The following FHIT variants were observed in gnomAD, a reference collection of about 807,000 sequenced individuals.
FHIT encodes fragile histidine triad diadenosine triphosphatase.
A neutral mutation model predicts 17.9 loss-of-function variants in FHIT; 19 were observed. The ratio of observed to expected loss-of-function variants is 1.06; its 90% confidence interval spans 0.74 to 1.56. FHIT has a LOEUF of 1.56. Among genes scored for constraint, FHIT ranks in the 40% most tolerant of loss-of-function variants. FHIT has a pLI of 0.00. For synonymous variants in FHIT, 81 were observed against 69.7 expected, an observed-to-expected ratio of 1.16 and a Z score of -0.81; for missense variants, 248 against 189.2, an observed-to-expected ratio of 1.31 and a Z score of -1.82.
At chr3:60,138,337 G>T (rs1380784823) in intron 5 of FHIT, among the ~76,000 whole-genome samples, 1 of 152,190 alleles carries the variant, frequency 6.6e-6, no homozygotes, top group Non-Finnish European at 1.5e-5. Context: ...CTGTGACTGA[G>T]AAATGATGGG....
At chr3:60,038,523 CTG>C (rs1701313309) in intron 5 of FHIT, among the ~76,000 whole-genome samples, 2 of 152,154 alleles carry the variant, frequency 1.3e-5, no homozygotes, top group South Asian at 4.1e-4. Context: ...AACTTTAATA[CTG>C]TCTCAATATG....
chr3:61,012,721 C>T (rs1035713329), intron 3 of FHIT, among the ~76,000 whole-genome samples: 1 of 151,130 alleles, frequency 6.6e-6, no homozygotes, highest in East Asian at 1.9e-4. Context: ...ATAAGAAATA[C>T]ATATTTTTTG....
chr3:59,889,522 A>T (rs1477859170), intron 8 of FHIT, among the ~76,000 whole-genome samples: 1 of 152,232 alleles, frequency 6.6e-6, no homozygotes, highest in African/African-American at 2.4e-5. Context: ...CTCACTAGGC[A>T]ACCATGGCCA....
intron 7 of FHIT, among the ~76,000 whole-genome samples, chr3:59,927,212 T>G (rs58538301): frequency 0.086 from 13,120 of 152,168 alleles, 737 homozygotes; most frequent in Admixed American, 0.12. Context: ...CGGCCACATA[T>G]TGTACCATGC....
chr3:60,364,651 C>G (rs1700037521), intron 5 of FHIT, among the ~76,000 whole-genome samples: 1 of 152,082 alleles, frequency 6.6e-6, no homozygotes, highest in Non-Finnish European at 1.5e-5. Flanking sequence ...GCCAATTTGA[C>G]TGAGCTAAGA....
At chr3:60,423,743 G>A (rs1260558793) in intron 5 of FHIT, among the ~76,000 whole-genome samples, 1 of 152,144 alleles carries the variant, frequency 6.6e-6, no homozygotes, top group East Asian at 1.9e-4. Flanking sequence ...AAGTAATGCA[G>A]CTGACCATTA....
intron 3 of FHIT, among the ~76,000 whole-genome samples, chr3:60,873,111 G>A (rs1391761493): frequency 6.6e-6 from 1 of 150,872 alleles, no homozygotes; most frequent in African/African-American, 2.5e-5. Context: ...TTTGGAGGAG[G>A]GGAACAAGGC....
chr3:60,663,418 C>T (rs1266096454), intron 4 of FHIT, among the ~76,000 whole-genome samples: 2 of 151,266 alleles, frequency 1.3e-5, no homozygotes, highest in African/African-American at 4.9e-5. Context: ...AAACTCTGTA[C>T]CTGTTTTTAT....
chr3:60,225,979 T>C (rs1360794449), intron 5 of FHIT, among the ~76,000 whole-genome samples: 3 of 152,188 alleles, frequency 2.0e-5, no homozygotes, highest in Non-Finnish European at 4.4e-5. Context: ...CCAGTGAGGC[T>C]GGGCGCTCTG....
At chr3:60,863,227 A>T (rs1475924769) in intron 3 of FHIT, among the ~76,000 whole-genome samples, 1 of 152,192 alleles carries the variant, frequency 6.6e-6, no homozygotes, top group Non-Finnish European at 1.5e-5. Context: ...TGCCTAACAG[A>T]CATAAAGAAA....
At chr3:60,050,014 T>C (rs1172237370) in intron 5 of FHIT, among the ~76,000 whole-genome samples, 1 of 152,188 alleles carries the variant, frequency 6.6e-6, no homozygotes. Flanking sequence ...GTTTCTTATT[T>C]AAATATTCAT....
intron 4 of FHIT, among the ~76,000 whole-genome samples, chr3:60,666,425 C>T (rs2040382988): frequency 6.6e-6 from 1 of 152,136 alleles, no homozygotes; most frequent in East Asian, 1.9e-4. Context: ...ATTTCCTTCT[C>T]ATCTCCATTT....
chr3:61,034,467 G>T (rs978174065), intron 3 of FHIT, among the ~76,000 whole-genome samples: 2 of 152,040 alleles, frequency 1.3e-5, no homozygotes, highest in Non-Finnish European at 2.9e-5. Context: ...CAGGTAATGG[G>T]TAGAGGACTT....
At chr3:60,011,606 T>C (rs529906112) in intron 6 of FHIT, among the ~76,000 whole-genome samples, 5 of 152,342 alleles carry the variant, frequency 3.3e-5, no homozygotes, top group African/African-American at 1.2e-4. Flanking sequence ...TGTATAAAAA[T>C]GATATAAATT....
chr3:60,790,289 A>C (rs781855791), intron 4 of FHIT, among the ~76,000 whole-genome samples: 37 of 152,218 alleles, frequency 2.4e-4, no homozygotes, highest in Non-Finnish European at 4.9e-4. Flanking sequence ...AAGGAAGGAC[A>C]AGTCTAGATT....
chr3:60,058,183 A>C (rs1702161311), intron 5 of FHIT, among the ~76,000 whole-genome samples: 1 of 115,976 alleles, frequency 8.6e-6, no homozygotes, highest in Non-Finnish European at 1.6e-5. Flanking sequence ...CTCTGTCACC[A>C]GGCTGGAGTG....
chr3:60,161,470 C>G (rs1195536285), intron 5 of FHIT, among the ~76,000 whole-genome samples: 1 of 152,120 alleles, frequency 6.6e-6, no homozygotes, highest in Non-Finnish European at 1.5e-5. Context: ...TCACAAATGC[C>G]AAGTCTACCC....
At chr3:60,315,606 C>T (rs1709129960) in intron 5 of FHIT, among the ~76,000 whole-genome samples, 1 of 152,206 alleles carries the variant, frequency 6.6e-6, no homozygotes, top group South Asian at 2.1e-4. Context: ...AAATTCATCA[C>T]TGCTGCTGCA....
chr3:60,958,564 T>C (rs1553779621), intron 3 of FHIT, among the ~76,000 whole-genome samples: 1 of 152,220 alleles, frequency 6.6e-6, no homozygotes, highest in African/African-American at 2.4e-5. Flanking sequence ...AATGTTTCTC[T>C]TTACCCATGA....
Sources: gnomAD v4.1 joint callset for allele counts (sites outside exome capture counted in the v4.1 genomes callset) on GRCh38, gnomAD v4.1.1 for gene constraint, MANE v1.5 for transcripts, NCBI Gene and HGNC (gene_info 2026-07-23, HGNC 2026-07-21) for gene names.